Variants in DOCK9 observed in about 807,000 individuals in gnomAD.
DOCK9 encodes the protein dedicator of cytokinesis 9, also known as dedicator of cytokinesis protein 9.
In DOCK9, 89 loss-of-function variants were observed where a neutral mutation model predicts 263.3. That is an observed-to-expected ratio of 0.34 (90% CI 0.28 to 0.40). The LOEUF (loss-of-function observed/expected upper bound fraction) is 0.40, where lower values mean the gene tolerates loss of function less well. DOCK9 is among the 10% of genes least tolerant of loss of function. The pLI is 1.00. For synonymous variants in DOCK9, 976 were observed against 973.1 expected (o/e 1.00, Z -0.06); for missense variants, 2,140 against 2,603.4 (o/e 0.82, Z 3.87).
chr13:98,884,903 G>A, intron 21 of DOCK9, 68 bp downstream of exon 21: 1 of 1,504,956 alleles, frequency 6.6e-7, no homozygotes, highest in Non-Finnish European at 9.0e-7. Context: ...GTGTGTTATT[G>A]TTGTTTTAGT....
chr13:99,059,194 G>A (rs145927383), intron 1 of DOCK9, among the ~76,000 whole-genome samples: 3 of 152,236 alleles, frequency 2.0e-5, no homozygotes, highest in African/African-American at 7.2e-5. Flanking sequence ...GTCTGCAGTC[G>A]AGTCCAAGAA....
At chr13:99,006,630 G>A (rs1435284687) in intron 1 of DOCK9, among the ~76,000 whole-genome samples, 1 of 152,158 alleles carries the variant, frequency 6.6e-6, no homozygotes, top group Non-Finnish European at 1.5e-5. Context: ...ATTTGCAGAA[G>A]CAGAGAAAAA....
intron 2 of DOCK9, chr13:98,949,999 T>A (rs1271154060): frequency 4.0e-6 from 2 of 496,936 alleles, no homozygotes; most frequent in South Asian, 1.6e-5. Flanking sequence ...TGTTTCAAAA[T>A]GAGTTCTTGG....
intron 1 of DOCK9, among the ~76,000 whole-genome samples, chr13:98,958,279 A>C (rs1725207857): frequency 6.6e-6 from 1 of 152,190 alleles, no homozygotes; most frequent in Non-Finnish European, 1.5e-5. Flanking sequence ...GCTTCCCCCC[A>C]GTGGGTGGCT....
intron 26 of DOCK9, 62 bp from the exon 27 acceptor site, chr13:98,880,031 T>C: frequency 7.9e-7 from 1 of 1,258,634 alleles, no homozygotes; most frequent in Non-Finnish European, 1.1e-6. Context: ...AGACATGAAC[T>C]CTCTCAGGCT....
At chr13:99,035,424 G>A (rs1451316335) in intron 1 of DOCK9, among the ~76,000 whole-genome samples, 2 of 152,212 alleles carry the variant, frequency 1.3e-5, no homozygotes, top group African/African-American at 2.4e-5. Context: ...ACTGAAGTGT[G>A]TCTACTGGAT....
chr13:98,854,545 G>A (rs2093654936), intron 34 of DOCK9: 1 of 152,182 alleles, frequency 6.6e-6, no homozygotes, highest in Middle Eastern at 3.4e-3. Flanking sequence ...CACTTGATCA[G>A]AGCCACTGGA....
intron 1 of DOCK9, among the ~76,000 whole-genome samples, chr13:98,983,339 G>A (rs1485361070): frequency 6.6e-6 from 1 of 152,172 alleles, no homozygotes; most frequent in East Asian, 1.9e-4. Context: ...GCCCGAAAAT[G>A]ATCTGCCTTC....
At position 98,939,964 on chromosome 13, in the gene DOCK9, T is replaced by G. The variant is rs148525129; in HGVS notation, c.244-9707A>C. On this transcript the variant is annotated intron_variant, in intron 2 of 52. Transcript: ENST00000682017. ...TGCACTGGTCTGTACATTAAATATTTTGTATCGAGTGCAGTATTAAACATT... is the reference window on the plus strand; with the variant it reads ...TGCACTGGTCTGTACATTAAATATTGTGTATCGAGTGCAGTATTAAACATT... Among the ~76,000 whole-genome samples the G allele has an allele frequency of 1.5e-3, 233 of 152,374 alleles. 1 individual carries two copies. Among genetic ancestry groups the G allele is most frequent in the African/African-American group, 5.4e-3 (224 of 41,600 alleles).
intron 39 of DOCK9, chr13:98,832,098 G>C: frequency 3.9e-6 from 1 of 254,846 alleles, no homozygotes; most frequent in South Asian, 1.0e-4. Flanking sequence ...TGATACAGAG[G>C]TGCCATTTGT....
intron 2 of DOCK9, among the ~76,000 whole-genome samples, chr13:98,939,698 T>C (rs1307543485): frequency 6.6e-6 from 1 of 152,214 alleles, no homozygotes; most frequent in African/African-American, 2.4e-5. Context: ...GAGCATTCCC[T>C]GGGCCTGGCC....
intron 52 of DOCK9, chr13:98,796,119 C>CA: frequency 1.0e-6 from 1 of 1,002,752 alleles, no homozygotes; most frequent in Middle Eastern, 2.3e-4. Context: ...GTCATTATGC[C>CA]AATGTCTGTA....
intron 37 of DOCK9, 81 bp downstream of exon 37, chr13:98,848,511 G>A (rs1250395979): frequency 1.1e-5 from 16 of 1,463,654 alleles, no homozygotes; most frequent in Admixed American, 6.0e-5. Context: ...ACTGCCAACC[G>A]CCACTGATGA....
At chr13:98,810,953 G>A (rs149369632) in intron 45 of DOCK9, among the ~76,000 whole-genome samples, 2 of 152,206 alleles carry the variant, frequency 1.3e-5, no homozygotes, top group Non-Finnish European at 2.9e-5. Flanking sequence ...GCCAATCAGG[G>A]TGAATTTTAG....
chr13:98,902,323 T>C lies in DOCK9; in HGVS notation c.1345A>G (p.Ile449Val). The change falls in exon 12 of 53, where the codon ATC becomes GTC. Residue 449 changes from isoleucine to valine, a missense_variant. Physicochemically the swap from Ile to Val is conservative, Grantham distance 29. Around this residue, in one of 2 missense-constraint regions of DOCK9, gnomAD observed 1,521 missense variants for 1,741.7 expected, o/e 0.87. Coordinates refer to ENST00000682017, the MANE Select transcript of DOCK9 (RefSeq NM_001366683.2). ...TACTGCATGGCGGCTTCATGAAGGA[T>C]GCCCTTGAGGACAGATGGGCTCTGC... ...SGQSPSVLKG[I>V]LHEAAMQYPK... The C allele has an allele frequency of 2.5e-6, 4 of 1,614,010 alleles. No individual in the cohort carries two copies. Among genetic ancestry groups the C allele is most frequent in the East Asian group, 2.2e-5 (1 of 44,884 alleles).
intron 27 of DOCK9, among the ~76,000 whole-genome samples, chr13:98,868,749 G>A (rs1241052782): frequency 1.3e-5 from 2 of 152,132 alleles, no homozygotes; most frequent in Non-Finnish European, 2.9e-5. Context: ...GCAAGGCCCA[G>A]TCTCAAAAAA....
rs1433985064 is a variant in DOCK9, at chr13:99,008,212, C to CTCTA, written c.130-52662_130-52661insTAGA. On this transcript the variant is annotated intron_variant, in intron 1 of 32. Transcript: ENST00000427887. Reference sequence around the variant, plus strand: ...TCTCTCTCTCTCTCTCTCTCTCTCTCTATATATATATATATATATATATTT... The same window carrying CTCTA: ...TCTCTCTCTCTCTCTCTCTCTCTCTCTCTATATATATATATATATATATATATTT... 5.4e-3 allele frequency among the ~76,000 whole-genome samples: 427 copies of CTCTA among 79,048 alleles called. 5 individuals are homozygous for CTCTA. Among genetic ancestry groups the CTCTA allele is most frequent in the Middle Eastern group, 7.0e-3 (1 of 142 alleles). The allele number at this position is 79,048 out of a possible 152,430, so 51.9% of individuals were successfully genotyped here.
intron 1 of DOCK9, among the ~76,000 whole-genome samples, chr13:99,043,285 TC>T (rs1389694123): frequency 2.0e-5 from 3 of 152,208 alleles, no homozygotes; most frequent in Non-Finnish European, 4.4e-5. Context: ...ATCAGTCTAT[TC>T]CTTGCCTCAG....
At chr13:98,794,818 T>C in intron 52 of DOCK9, 70 bp from the exon 53 acceptor site, 1 of 1,533,112 alleles carries the variant, frequency 6.5e-7, no homozygotes, top group South Asian at 1.2e-5. Context: ...TGTTGCCATG[T>C]GTGACACAAT....
Sources: gnomAD v4.1 joint callset for allele counts (sites outside exome capture counted in the v4.1 genomes callset) on GRCh38, gnomAD v4.1.1 for gene constraint, gnomAD v4.1.1 regional missense constraint, MANE v1.5 for transcripts, NCBI Gene and HGNC (gene_info 2026-07-23, HGNC 2026-07-21) for gene names.